The following LDLRAD4 variants were observed in gnomAD, a reference collection of about 807,000 sequenced individuals.
The protein encoded by LDLRAD4 is low-density lipoprotein receptor class A domain-containing protein 4.
A neutral mutation model predicts 17.0 loss-of-function variants in LDLRAD4; 5 were observed. The observed-to-expected ratio is 0.29, with a 90% confidence interval of 0.15 to 0.62. The LOEUF (loss-of-function observed/expected upper bound fraction) is 0.62. Ranked by LOEUF, LDLRAD4 falls within the 20% of genes least tolerant of loss-of-function variation. LDLRAD4 has a pLI of 0.84. For synonymous variants in LDLRAD4, 168 were observed against 171.8 expected (o/e 0.98, Z 0.17); for missense variants, 340 against 424.7 (o/e 0.80, Z 1.75).
At chr18:13,298,453 T>A (rs1344699641) in intron 1 of LDLRAD4, among the ~76,000 whole-genome samples, 2 of 105,566 alleles carry the variant, frequency 1.9e-5, no homozygotes, top group Non-Finnish European at 3.9e-5. Flanking sequence ...GCACGGCAAT[T>A]TTGCTGCTCT....
chr18:13,457,498 G>A (rs1458567260), intron 3 of LDLRAD4, among the ~76,000 whole-genome samples: 1 of 152,188 alleles, frequency 6.6e-6, no homozygotes, highest in Non-Finnish European at 1.5e-5. Context: ...GAGGAGGATC[G>A]TATGAGCAAC....
intron 3 of LDLRAD4, among the ~76,000 whole-genome samples, chr18:13,609,855 G>A (rs566843184): frequency 1.3e-5 from 2 of 152,208 alleles, no homozygotes; most frequent in East Asian, 3.9e-4. Flanking sequence ...GTTGGCGCAC[G>A]CCTGTAATCC....
chr18:13,612,598 C>G (rs2039689618), intron 3 of LDLRAD4: 3 of 1,551,470 alleles, frequency 1.9e-6, no homozygotes. Flanking sequence ...CCAGCTATAA[C>G]TGCAGCTCTG....
chr18:13,523,872 A>T (rs2147705434), intron 3 of LDLRAD4, among the ~76,000 whole-genome samples: 1 of 152,202 alleles, frequency 6.6e-6, no homozygotes, highest in African/African-American at 2.4e-5. Flanking sequence ...GCAGCAGGAG[A>T]CAGCCCATCT....
chr18:13,289,254 G>A (rs1446117440), intron 1 of LDLRAD4, among the ~76,000 whole-genome samples: 1 of 152,192 alleles, frequency 6.6e-6, no homozygotes, highest in Non-Finnish European at 1.5e-5. Context: ...TTAGTTCCTA[G>A]GGACTTAAAT....
chr18:13,442,529 T>G (rs12959057), intron 3 of LDLRAD4, among the ~76,000 whole-genome samples: 42,370 of 152,032 alleles, frequency 0.28, 6,497 homozygotes, highest in East Asian at 0.65. Flanking sequence ...GCTGAGAAAG[T>G]GGGTTGGGCC....
intron 1 of LDLRAD4, among the ~76,000 whole-genome samples, chr18:13,355,559 G>A (rs1475788801): frequency 6.6e-6 from 1 of 152,196 alleles, no homozygotes; most frequent in African/African-American, 2.4e-5. Flanking sequence ...TAAGACCTAT[G>A]CTGTCTGTCA....
chr18:13,505,144 C>T (rs939863380), intron 3 of LDLRAD4, among the ~76,000 whole-genome samples: 2 of 152,172 alleles, frequency 1.3e-5, no homozygotes, highest in Admixed American at 1.3e-4. Flanking sequence ...TCTCTTAATT[C>T]CCCTAGGCAG....
chr18:13,454,219 C>T (rs2092000838), intron 3 of LDLRAD4, among the ~76,000 whole-genome samples: 1 of 152,156 alleles, frequency 6.6e-6, no homozygotes, highest in African/African-American at 2.4e-5. Flanking sequence ...TAACAGGGTG[C>T]AGTCGTTTGA....
chr18:13,308,037 T>C lies in LDLRAD4; in HGVS notation c.-383+29849T>C, dbSNP rs369385949. ...CTCTGTCCCTGCCTTGTCTCTGCAGTCGTGTTTCTTATATATCCTTCTAGA... is the reference window on the plus strand; with the variant it reads ...CTCTGTCCCTGCCTTGTCTCTGCAGCCGTGTTTCTTATATATCCTTCTAGA... On this transcript the variant is annotated intron_variant, in intron 1 of 5. Transcript: ENST00000359446. 2.9e-4 allele frequency among the ~76,000 whole-genome samples: 44 copies of C among 152,352 alleles called. No individual in the cohort carries two copies. In the East Asian group the frequency reaches 7.9e-3, roughly 27 times the overall value.
At chr18:13,552,501 G>A (rs2094444623) in intron 3 of LDLRAD4, among the ~76,000 whole-genome samples, 1 of 152,162 alleles carries the variant, frequency 6.6e-6, no homozygotes, top group African/African-American at 2.4e-5. Flanking sequence ...GCTCCTGAGG[G>A]TTCAGCTTCT....
intron 2 of LDLRAD4, among the ~76,000 whole-genome samples, chr18:13,409,035 C>T (rs1169016985): frequency 6.6e-6 from 1 of 152,214 alleles, no homozygotes; most frequent in Non-Finnish European, 1.5e-5. Context: ...TTCAGAGGAG[C>T]TGTGTGATCC....
chr18:13,322,290 C>CTTTTTTTTTTTTTTTTTTT (rs370707500), intron 1 of LDLRAD4, among the ~76,000 whole-genome samples: 3 of 109,742 alleles, frequency 2.7e-5, no homozygotes, highest in African/African-American at 7.6e-5. Context: ...ACTTTTCTCA[C>CTTTTTTTTTTTTTTTTTTT]TTTTTTTTTT....
chr18:13,309,190 C>A (rs2047085941), intron 1 of LDLRAD4, among the ~76,000 whole-genome samples: 1 of 152,202 alleles, frequency 6.6e-6, no homozygotes, highest in African/African-American at 2.4e-5. Context: ...GCCCCACTTG[C>A]CCTGCACACC....
At chr18:13,401,054 C>T (rs574098433) in intron 2 of LDLRAD4, among the ~76,000 whole-genome samples, 9 of 151,976 alleles carry the variant, frequency 5.9e-5, no homozygotes, top group East Asian at 1.9e-4. Flanking sequence ...GGGGAATGGC[C>T]GTTGCTGATA....
chr18:13,545,392 T>C (rs541772295), intron 3 of LDLRAD4, among the ~76,000 whole-genome samples: 1 of 152,338 alleles, frequency 6.6e-6, no homozygotes, highest in African/African-American at 2.4e-5. Context: ...AACACCAAAA[T>C]GTATGGTGAG....
chr18:13,539,294 T>C (rs2094242411), intron 3 of LDLRAD4, among the ~76,000 whole-genome samples: 1 of 152,220 alleles, frequency 6.6e-6, no homozygotes, highest in East Asian at 1.9e-4. Context: ...ACTGTGTGCT[T>C]GTTTGAACAC....
At chr18:13,625,746 G>A (rs1251823874) in intron 4 of LDLRAD4, among the ~76,000 whole-genome samples, 5 of 30,158 alleles carry the variant, frequency 1.7e-4, no homozygotes, top group African/African-American at 7.0e-4. Context: ...CCCCACCAGA[G>A]CCCTCCTCCC....
At chr18:13,649,916 G>A (rs766979328) in exon 6 of LDLRAD4, 14 of 397,112 alleles carry the variant, frequency 3.5e-5, no homozygotes, top group Non-Finnish European at 5.3e-5. Context: ...GGCCTACTGA[G>A]GTGAAAGGAC....
Sources: gnomAD v4.1 joint callset for allele counts (sites outside exome capture counted in the v4.1 genomes callset) on GRCh38, gnomAD v4.1.1 for gene constraint, MANE v1.5 for transcripts, NCBI Gene and HGNC (gene_info 2026-07-23, HGNC 2026-07-21) for gene names.